INTS4: variants seen among roughly 807,000 people sequenced by gnomAD.
INTS4 encodes the protein integrator complex subunit 4, also known as MSTP093.
INTS4 carries 70 observed loss-of-function variants against 119.5 expected under a neutral mutation model. That is an observed-to-expected ratio of 0.59 (90% CI 0.48 to 0.71). The LOEUF is 0.71. INTS4 is among the 30% of genes least tolerant of loss of function. INTS4 has a pLI of 0.00. For missense variants in INTS4, 867 were observed against 1,173.2 expected (o/e 0.74, Z 3.81); for synonymous variants, 316 against 419.6 (o/e 0.75, Z 3.02).
intron 2 of INTS4, chr11:77,987,596 T>C (rs1225107333): frequency 2.2e-6 from 1 of 447,502 alleles, no homozygotes. Context: ...TCAGATGTGG[T>C]AGCTCACGTC....
intron 8 of INTS4, among the ~76,000 whole-genome samples, chr11:77,948,937 A>C (rs12285087): frequency 0.038 from 5,820 of 152,324 alleles, 171 homozygotes; most frequent in Non-Finnish European, 0.059. Flanking sequence ...CTAAGAGATA[A>C]GTGTACAGCA....
At position 77,953,888 on chromosome 11, in the gene INTS4, C is replaced by G. The variant is rs1483578914; in HGVS notation, c.918+2054G>C. Among the ~76,000 whole-genome samples, 3 of 150,362 alleles carry G rather than the reference C, an allele frequency of 2.0e-5. No homozygotes were observed. In the East Asian group the frequency reaches 5.9e-4, roughly 30 times the overall value. ...TGTGAGCCACTGCACCTCTGCCTCC[C>G]GGGTAACCTCTGCCTCCCGGGTTCA... On this transcript the variant is annotated intron_variant, in intron 8 of 22. Transcript: ENST00000534064.
chr11:77,960,924 C>T, intron 5 of INTS4, 29 bp downstream of exon 5: 3 of 1,573,770 alleles, frequency 1.9e-6, no homozygotes, highest in Non-Finnish European at 2.6e-6. Context: ...TGAACACTAG[C>T]CCCAACTAGT....
intron 18 of INTS4, among the ~76,000 whole-genome samples, chr11:77,900,261 G>C (rs1248943380): frequency 6.6e-6 from 1 of 151,858 alleles, no homozygotes; most frequent in Admixed American, 6.6e-5. Flanking sequence ...CACCATGCCC[G>C]GCTAATTTTA....
chr11:77,878,713 G>A, downstream of INTS4: 1 of 695,380 alleles, frequency 1.4e-6, no homozygotes, highest in South Asian at 1.5e-5. Context: ...CCAGGAACTA[G>A]AACAGCTTGG....
At chr11:77,895,932 A>G (rs1565229311) in intron 18 of INTS4, among the ~76,000 whole-genome samples, 1 of 152,198 alleles carries the variant, frequency 6.6e-6, no homozygotes, top group Non-Finnish European at 1.5e-5. Flanking sequence ...TCGGGGGCTA[A>G]CAATCATTAA....
At chr11:77,893,890 C>CA (rs1467646158) in intron 19 of INTS4, among the ~76,000 whole-genome samples, 9 of 14,014 alleles carry the variant, frequency 6.4e-4, no homozygotes, top group African/African-American at 1.1e-3. Flanking sequence ...AAGACTCTGT[C>CA]TTAAATAAAT....
At chr11:77,986,567 G>T (rs976785735) in intron 2 of INTS4, among the ~76,000 whole-genome samples, 31 of 152,148 alleles carry the variant, frequency 2.0e-4, no homozygotes, top group African/African-American at 7.5e-4. Flanking sequence ...ATTCACAAGA[G>T]CAAAGACTTG....
intron 10 of INTS4, among the ~76,000 whole-genome samples, chr11:77,933,415 G>A (rs1015493643): frequency 2.6e-5 from 4 of 152,174 alleles, no homozygotes; most frequent in South Asian, 2.1e-4. Flanking sequence ...TGGTGGAGAC[G>A]GGGTTTCGCT....
chr11:77,899,995 C>A (rs1466472668), intron 18 of INTS4, among the ~76,000 whole-genome samples: 1 of 151,884 alleles, frequency 6.6e-6, no homozygotes, highest in Non-Finnish European at 1.5e-5. Flanking sequence ...TAAAAAAAAT[C>A]TTTTTTAAAA....
At chr11:77,985,917 C>CA (rs1233196339) in intron 2 of INTS4, among the ~76,000 whole-genome samples, 1 of 150,202 alleles carries the variant, frequency 6.7e-6, no homozygotes, top group Non-Finnish European at 1.5e-5. Flanking sequence ...TGCCTGATCA[C>CA]AAAAAAAAAG....
chr11:77,942,730 G>C (rs1351052518), intron 8 of INTS4, among the ~76,000 whole-genome samples: 1 of 152,192 alleles, frequency 6.6e-6, no homozygotes, highest in Admixed American at 6.5e-5. Context: ...TTCAGAGGCT[G>C]TTGGAGCAGG....
chr11:77,950,932 C>T (rs1954177390), intron 8 of INTS4, among the ~76,000 whole-genome samples: 3 of 139,914 alleles, frequency 2.1e-5, no homozygotes, highest in Admixed American at 1.6e-4. Flanking sequence ...TCCATGTGTT[C>T]TCATTGTTCA....
chr11:77,923,315 CAAAA>C (rs35475320), intron 12 of INTS4, among the ~76,000 whole-genome samples: 1 of 87,980 alleles, frequency 1.1e-5, no homozygotes, highest in Admixed American at 1.3e-4. Flanking sequence ...GACTCTGTCT[CAAAA>C]AAAAAAAAAA....
chr11:77,956,146 C>A (rs1159436158), intron 7 of INTS4, 84 bp from the exon 8 acceptor site: 4 of 1,499,756 alleles, frequency 2.7e-6, no homozygotes, highest in African/African-American at 2.8e-5. Context: ...CAGTGGCTCA[C>A]ATCTATAATC....
chr11:77,880,521 C>CT (rs1951751967), intron 22 of INTS4, among the ~76,000 whole-genome samples: 1 of 152,200 alleles, frequency 6.6e-6, no homozygotes, highest in Admixed American at 6.5e-5. Context: ...ACACTGTTCT[C>CT]TGATACCAGG....
At chr11:77,895,859 C>T (rs1952495583) in intron 18 of INTS4, among the ~76,000 whole-genome samples, 1 of 152,120 alleles carries the variant, frequency 6.6e-6, no homozygotes, top group Admixed American at 6.6e-5. Context: ...ATGAAGTAGG[C>T]CTCTAAGAAC....
Position 77,891,675 on chromosome 11 carries a change from C to T in INTS4, c.2448+6G>A. 1 of 1,611,826 alleles carries T rather than the reference C, an allele frequency of 6.2e-7. No homozygotes were observed. The highest frequency in any genetic ancestry group is 8.5e-7 in the Non-Finnish European group (1 of 1,179,798). ...TTTGGCCTACAGGGGCCAAATAGAC[C>T]CTGACCTGCTCTGGAAGCGGGAGAT... On this transcript the variant is annotated splice_donor_region_variant and intron_variant, in intron 20 of 22. Transcript: ENST00000534064.
chr11:77,978,844 C>T lies in INTS4; in HGVS notation c.471+152G>A, dbSNP rs567638854. Reference sequence around the variant, plus strand: ...ATTTTCATTTGTTTTGAAAGGATGACGAAATACACTTTATAACAAGTGTAC... The same window carrying T: ...ATTTTCATTTGTTTTGAAAGGATGATGAAATACACTTTATAACAAGTGTAC... On this transcript the variant is annotated intron_variant, in intron 4 of 22. Transcript: ENST00000534064. 3.5e-5 allele frequency: 18 copies of T among 510,846 alleles called. 1 individual carries two copies. The highest frequency in any genetic ancestry group is 5.7e-4 in the Middle Eastern group (1 of 1,758). The allele number at this position is 510,846 out of a possible 1,614,324, so 31.6% of individuals were successfully genotyped here. A position where few individuals can be genotyped will look rare whatever the true frequency, so the allele number is the denominator to read the frequency against.
Sources: allele counts gnomAD v4.1 joint callset (sites outside exome capture counted in the v4.1 genomes callset), GRCh38; gene constraint gnomAD v4.1.1; transcripts MANE v1.5; gene names NCBI Gene and HGNC (gene_info 2026-07-23, HGNC 2026-07-21).